ERBB4: variants seen among roughly 807,000 people sequenced by gnomAD.
The protein encoded by ERBB4 is erb-b2 receptor tyrosine kinase 4.
Under a neutral mutation model 158.0 loss-of-function variants are expected in ERBB4, and 42 were observed. The observed-to-expected ratio is 0.27, with a 90% CI of 0.21 to 0.34. The LOEUF (loss-of-function observed/expected upper bound fraction) is 0.34. ERBB4 is among the 10% of genes least tolerant of loss of function. The pLI is 1.00. For missense variants in ERBB4, 1,333 were observed against 1,624.1 expected (o/e 0.82, Z 3.08); for synonymous variants, 583 against 558.7 (o/e 1.04, Z -0.61).
intron 3 of ERBB4, among the ~76,000 whole-genome samples, chr2:211,918,429 T>C (rs1401537886): frequency 6.6e-6 from 1 of 152,130 alleles, no homozygotes; most frequent in African/African-American, 2.4e-5. Flanking sequence ...ACCTTCTACG[T>C]GATGTTTCTC....
intron 19 of ERBB4, among the ~76,000 whole-genome samples, chr2:211,600,541 G>T (rs189698813): frequency 1.6e-4 from 25 of 152,194 alleles, no homozygotes; most frequent in African/African-American, 5.3e-4. Flanking sequence ...TGAAAGGTAG[G>T]ACTGAAAACA....
intron 1 of ERBB4, among the ~76,000 whole-genome samples, chr2:212,528,752 AATAAT>A (rs1575087716): frequency 6.6e-6 from 1 of 152,262 alleles, no homozygotes; most frequent in African/African-American, 2.4e-5. Context: ...TGACTCTATA[AATAAT>A]ATAATTATTT....
intron 4 of ERBB4, chr2:211,778,469 T>A (rs1173962198): frequency 6.6e-6 from 1 of 152,232 alleles, no homozygotes; most frequent in African/African-American, 2.4e-5. Flanking sequence ...ATCTTCTTTA[T>A]GGTGATACTA....
chr2:212,024,562 ATTT>A (rs2076730794), intron 2 of ERBB4, among the ~76,000 whole-genome samples: 1 of 151,904 alleles, frequency 6.6e-6, no homozygotes, highest in Non-Finnish European at 1.5e-5. Flanking sequence ...CTTGTAAGTC[ATTT>A]TGACATTCAA....
intron 1 of ERBB4, among the ~76,000 whole-genome samples, chr2:212,403,617 A>T (rs2091268704): frequency 1.3e-5 from 2 of 152,062 alleles, no homozygotes; most frequent in Non-Finnish European, 2.9e-5. Flanking sequence ...TACCAAGTTA[A>T]ATAAGCCAGT....
intron 3 of ERBB4, among the ~76,000 whole-genome samples, chr2:211,847,657 C>T (rs555865859): frequency 4.1e-4 from 62 of 151,930 alleles, no homozygotes; most frequent in African/African-American, 1.2e-3. Context: ...TTTTTTGGCT[C>T]GTCAGCTATG....
chr2:212,405,492 T>A (rs1188461707), intron 1 of ERBB4, among the ~76,000 whole-genome samples: 1 of 152,018 alleles, frequency 6.6e-6, no homozygotes, highest in Non-Finnish European at 1.5e-5. Context: ...GGGTATATAC[T>A]CAGAGGAATT....
chr2:211,855,749 C>G (rs7608500), intron 3 of ERBB4, among the ~76,000 whole-genome samples: 87 of 152,142 alleles, frequency 5.7e-4, no homozygotes, highest in African/African-American at 2.0e-3. Flanking sequence ...CAAATTTGAT[C>G]TTTTTCTTCA....
intron 2 of ERBB4, among the ~76,000 whole-genome samples, chr2:212,057,240 T>C (rs1437194782): frequency 1.3e-5 from 2 of 152,194 alleles, no homozygotes; most frequent in Admixed American, 6.5e-5. Context: ...CTGTTCTAAA[T>C]ATATATGCAC....
At chr2:212,081,215 T>C (rs1358618616) in intron 2 of ERBB4, among the ~76,000 whole-genome samples, 1 of 151,858 alleles carries the variant, frequency 6.6e-6, no homozygotes, top group African/African-American at 2.4e-5. Context: ...GTGAGGGAGG[T>C]AGGTGTGTGG....
intron 1 of ERBB4, among the ~76,000 whole-genome samples, chr2:212,229,745 G>A (rs2083600650): frequency 6.6e-6 from 1 of 152,130 alleles, no homozygotes; most frequent in Non-Finnish European, 1.5e-5. Flanking sequence ...ATAGAAAGGA[G>A]AGAAGGAGAG....
intron 19 of ERBB4, among the ~76,000 whole-genome samples, chr2:211,618,736 C>A (rs561827702): frequency 2.0e-5 from 3 of 152,206 alleles, no homozygotes; most frequent in African/African-American, 7.2e-5. Context: ...TTACCACCAC[C>A]ACATAGTCTT....
intron 25 of ERBB4, among the ~76,000 whole-genome samples, chr2:211,396,920 T>C (rs1338970299): frequency 1.3e-5 from 2 of 152,204 alleles, no homozygotes; most frequent in Non-Finnish European, 2.9e-5. Flanking sequence ...AAAAGATTTC[T>C]AACAGTCCAC....
At chr2:212,123,259 C>T (rs986661106) in intron 2 of ERBB4, among the ~76,000 whole-genome samples, 2 of 152,134 alleles carry the variant, frequency 1.3e-5, no homozygotes, top group African/African-American at 4.8e-5. Flanking sequence ...AAAAATTAGC[C>T]GGGCGTGGCG....
chr2:212,530,613 C>A (rs143388667), intron 1 of ERBB4, among the ~76,000 whole-genome samples: 4 of 152,248 alleles, frequency 2.6e-5, no homozygotes, highest in African/African-American at 7.2e-5. Context: ...GTCACAGAGC[C>A]TGGAGAATCT....
At chr2:211,836,297 A>G (rs1277165293) in intron 3 of ERBB4, among the ~76,000 whole-genome samples, 1 of 152,064 alleles carries the variant, frequency 6.6e-6, no homozygotes, top group Non-Finnish European at 1.5e-5. Flanking sequence ...TGAAAATAAG[A>G]ACACACTTTC....
chr2:212,332,887 T>C lies in ERBB4; in HGVS notation c.82+205562A>G, dbSNP rs1029666494. On this transcript the variant is annotated intron_variant, in intron 1 of 27. Coordinates refer to ENST00000342788, the MANE Select transcript of ERBB4 (RefSeq NM_005235.3). ...TCACTAGAAGCTGTGATGTAAATCA[T>C]TGAAAAGGTGAGTAGTGATTTTTTC... is the stretch of plus-strand genomic sequence containing the variant. Among the ~76,000 whole-genome samples, 13 of 152,190 alleles carry C rather than the reference T, an allele frequency of 8.5e-5. 1 individual carries two copies. In the East Asian group the frequency reaches 2.3e-3, roughly 27 times the overall value.
intron 16 of ERBB4, among the ~76,000 whole-genome samples, chr2:211,652,486 G>A (rs763269679): frequency 6.6e-6 from 1 of 151,726 alleles, no homozygotes; most frequent in Non-Finnish European, 1.5e-5. Flanking sequence ...TTCCTTGGGG[G>A]CAAAACAAAC....
At chr2:211,794,326 C>T (rs192008063) in intron 3 of ERBB4, among the ~76,000 whole-genome samples, 9 of 151,928 alleles carry the variant, frequency 5.9e-5, no homozygotes, top group African/African-American at 1.9e-4. Context: ...ACTGATTACC[C>T]GAGCCACTTA....
Sources: allele counts gnomAD v4.1 joint callset (sites outside exome capture counted in the v4.1 genomes callset), GRCh38; gene constraint gnomAD v4.1.1; transcripts MANE v1.5; gene names NCBI Gene and HGNC (gene_info 2026-07-23, HGNC 2026-07-21).